Variants in DPP6 observed in about 807,000 individuals in gnomAD.
DPP6 encodes dipeptidyl peptidase like 6.
Under a neutral mutation model 122.6 loss-of-function variants are expected in DPP6, and 69 were observed. The ratio of observed to expected loss-of-function variants is 0.56; its 90% confidence interval spans 0.46 to 0.69. The LOEUF (loss-of-function observed/expected upper bound fraction) is 0.69. DPP6 is among the 30% of genes least tolerant of loss of function. The pLI, the probability that DPP6 is intolerant of heterozygous loss-of-function variation, is 0.00. For synonymous variants in DPP6, 418 were observed against 433.1 expected, an observed-to-expected ratio of 0.97 and a Z score of 0.43; for missense variants, 928 against 1,116.9, an observed-to-expected ratio of 0.83 and a Z score of 2.41.
intron 16 of DPP6, among the ~76,000 whole-genome samples, chr7:154,836,245 G>A (rs1801044717): frequency 6.6e-6 from 1 of 152,238 alleles, no homozygotes; most frequent in Admixed American, 6.5e-5. Flanking sequence ...CTTGCATGGA[G>A]GGGAGGCCCC....
At chr7:154,534,761 A>C (rs1165465546) in intron 3 of DPP6, among the ~76,000 whole-genome samples, 1 of 152,188 alleles carries the variant, frequency 6.6e-6, no homozygotes, top group Non-Finnish European at 1.5e-5. Flanking sequence ...GGATTGGAAT[A>C]AGCAATATTT....
intron 4 of DPP6, among the ~76,000 whole-genome samples, chr7:154,555,606 TAAAGTA>T (rs1366821120): frequency 6.6e-6 from 1 of 151,780 alleles, no homozygotes; most frequent in Non-Finnish European, 1.5e-5. Flanking sequence ...CCCTAAAACT[TAAAGTA>T]TAATAATAAT....
intron 8 of DPP6, among the ~76,000 whole-genome samples, chr7:154,731,705 T>A (rs993928315): frequency 6.6e-6 from 1 of 152,246 alleles, no homozygotes; most frequent in Non-Finnish European, 1.5e-5. Context: ...GAAAATGTCA[T>A]AAAATTACAT....
At chr7:153,931,619 C>T (rs1437691237) in intron 1 of DPP6, among the ~76,000 whole-genome samples, 2 of 152,334 alleles carry the variant, frequency 1.3e-5, no homozygotes, top group South Asian at 2.1e-4. Flanking sequence ...GGAGGGCCTC[C>T]GAGGCTGCCA....
intron 13 of DPP6, 105 bp from the exon 14 acceptor site, chr7:154,803,757 GAA>G: frequency 2.0e-6 from 3 of 1,469,360 alleles, no homozygotes; most frequent in Non-Finnish European, 2.7e-6. Flanking sequence ...CCCACAGAGA[GAA>G]TGGCAGCCCC....
chr7:154,091,503 G>C (rs941380230), intron 1 of DPP6, among the ~76,000 whole-genome samples: 1 of 152,160 alleles, frequency 6.6e-6, no homozygotes. Context: ...GTGTTCCCTA[G>C]TTTGTAGGCA....
intron 23 of DPP6, 84 bp downstream of exon 23, chr7:154,887,818 A>T: frequency 6.7e-7 from 1 of 1,492,070 alleles, no homozygotes; most frequent in South Asian, 1.1e-5. Flanking sequence ...TGTATGGCCC[A>T]CTCTGCCTTC....
the DPP6 span, among the ~76,000 whole-genome samples, chr7:153,814,371 T>C: frequency 8.0e-6 from 1 of 124,718 alleles, no homozygotes; most frequent in African/African-American, 3.5e-5. Context: ...ATGGATAAAT[T>C]CCTCAACACA....
chr7:154,225,100 C>T (rs1278801510), intron 1 of DPP6, among the ~76,000 whole-genome samples: 1 of 152,016 alleles, frequency 6.6e-6, no homozygotes, highest in Non-Finnish European at 1.5e-5. Flanking sequence ...CGAGACTGTG[C>T]CACTGCACTC....
chr7:154,803,726 C>A, intron 13 of DPP6, 138 bp from the exon 14 acceptor site: 1 of 1,330,516 alleles, frequency 7.5e-7, no homozygotes, highest in Non-Finnish European at 1.0e-6. Flanking sequence ...GAGGAGCAGG[C>A]AGAAGGGGCA....
At chr7:154,750,336 G>T (rs537353295) in intron 8 of DPP6, among the ~76,000 whole-genome samples, 75 of 152,324 alleles carry the variant, frequency 4.9e-4, no homozygotes, top group African/African-American at 1.8e-3. Flanking sequence ...TCCTGCAAGA[G>T]CCCAGGCTCA....
intron 1 of DPP6, among the ~76,000 whole-genome samples, chr7:154,285,776 A>G (rs963891889): frequency 6.6e-6 from 1 of 152,226 alleles, no homozygotes; most frequent in African/African-American, 2.4e-5. Context: ...TTTCAGCACT[A>G]TTACTGCTGT....
chr7:153,900,914 G>A (rs1403910626), intron 1 of DPP6, among the ~76,000 whole-genome samples: 1 of 152,184 alleles, frequency 6.6e-6, no homozygotes, highest in Admixed American at 6.6e-5. Flanking sequence ...TCACTGTAGA[G>A]CATTTCCATG....
intron 5 of DPP6, among the ~76,000 whole-genome samples, chr7:154,623,627 AC>A (rs1211998980): frequency 6.7e-6 from 1 of 148,920 alleles, no homozygotes; most frequent in Non-Finnish European, 1.5e-5. Flanking sequence ...ACACGCGCAC[AC>A]ATGCGTGCAC....
intron 1 of DPP6, among the ~76,000 whole-genome samples, chr7:154,343,452 T>C (rs937014330): frequency 6.6e-6 from 1 of 152,232 alleles, no homozygotes; most frequent in African/African-American, 2.4e-5. Flanking sequence ...CAGCCAGTGC[T>C]ATTCAGCGGC....
At chr7:153,984,574 A>G (rs905644867) in intron 1 of DPP6, among the ~76,000 whole-genome samples, 1 of 152,084 alleles carries the variant, frequency 6.6e-6, no homozygotes, top group Non-Finnish European at 1.5e-5. Flanking sequence ...TGCATAAAAA[A>G]TGAATCCTAT....
At chr7:153,868,308 A>G in the DPP6 span, among the ~76,000 whole-genome samples, 3 of 152,014 alleles carry the variant, frequency 2.0e-5, no homozygotes, top group Non-Finnish European at 4.4e-5. Flanking sequence ...GTAAGCTATT[A>G]ATTATTGCCT....
At chr7:154,382,711 G>GT (rs1240083577) in intron 1 of DPP6, among the ~76,000 whole-genome samples, 2 of 152,078 alleles carry the variant, frequency 1.3e-5, no homozygotes, top group Admixed American at 1.3e-4. Context: ...GTGGTTGGTG[G>GT]TATATATTTT....
chr7:154,076,353 G>C (rs1222525011), intron 1 of DPP6, among the ~76,000 whole-genome samples: 3 of 151,912 alleles, frequency 2.0e-5, no homozygotes, highest in Admixed American at 2.0e-4. Context: ...GGGAGGCTGA[G>C]GCAGGAGAAT....
Sources: allele counts gnomAD v4.1 joint callset (sites outside exome capture counted in the v4.1 genomes callset), GRCh38; gene constraint gnomAD v4.1.1; transcripts MANE v1.5; gene names NCBI Gene and HGNC (gene_info 2026-07-23, HGNC 2026-07-21).